The following ITGA6 variants were observed in gnomAD, a reference collection of about 807,000 sequenced individuals.
The protein encoded by ITGA6 is integrin subunit alpha 6, also known as integrin alpha-6.
A neutral mutation model predicts 133.6 loss-of-function variants in ITGA6; 63 were observed. The observed-to-expected ratio is 0.47, with a 90% confidence interval of 0.38 to 0.58. The LOEUF (loss-of-function observed/expected upper bound fraction) is 0.58. ITGA6 is among the 20% of genes least tolerant of loss of function. The probability of loss-of-function intolerance (pLI) is 0.00; values close to 1 mark genes in which losing one functional copy is unlikely to be tolerated. For synonymous variants in ITGA6, 434 were observed against 482.0 expected, an observed-to-expected ratio of 0.90 and a Z score of 1.30; for missense variants, 1,068 against 1,309.4, an observed-to-expected ratio of 0.82 and a Z score of 2.85.
chr2:172,455,704 T>C (rs1252507412), intron 1 of ITGA6, among the ~76,000 whole-genome samples: 2 of 152,268 alleles, frequency 1.3e-5, no homozygotes, highest in African/African-American at 4.8e-5. Context: ...TAATAGTTGC[T>C]GAAGCCTAGC....
intron 17 of ITGA6, 75 bp from the exon 18 acceptor site, chr2:172,487,886 T>C: frequency 6.7e-7 from 1 of 1,494,806 alleles, no homozygotes; most frequent in South Asian, 1.1e-5. Flanking sequence ...CTGATCTACC[T>C]CATAAAAGAA....
intron 12 of ITGA6, 40 bp downstream of exon 12, chr2:172,484,982 A>T (rs1364586673): frequency 1.2e-6 from 2 of 1,608,326 alleles, no homozygotes; most frequent in Non-Finnish European, 8.5e-7. Context: ...TATGAAGAGG[A>T]CAGAAAAAGG....
intron 5 of ITGA6, chr2:172,472,848 C>A: frequency 6.2e-7 from 1 of 1,611,998 alleles, no homozygotes; most frequent in Non-Finnish European, 8.5e-7. Context: ...TCCCCGGGAG[C>A]AGCCTGACAC....
intron 8 of ITGA6, among the ~76,000 whole-genome samples, chr2:172,476,187 G>A (rs1686166561): frequency 6.6e-6 from 1 of 152,174 alleles, no homozygotes; most frequent in South Asian, 2.1e-4. Context: ...TCTGCTTTGA[G>A]ATACTATGTA....
chr2:172,467,435 T>C (rs1685727794), intron 2 of ITGA6, 46 bp from the exon 3 acceptor site: 1 of 1,445,992 alleles, frequency 6.9e-7, no homozygotes, highest in Non-Finnish European at 9.7e-7. Flanking sequence ...TGATGGTTTC[T>C]AGCATGTGCA....
chr2:172,458,291 A>T (rs1685296115), intron 1 of ITGA6, among the ~76,000 whole-genome samples: 1 of 148,580 alleles, frequency 6.7e-6, no homozygotes, highest in Non-Finnish European at 1.5e-5. Context: ...CTCAGGCTGG[A>T]GTGCAGTAGT....
At chr2:172,493,459 G>T (rs930172580) in intron 23 of ITGA6, among the ~76,000 whole-genome samples, 4 of 152,108 alleles carry the variant, frequency 2.6e-5, no homozygotes, top group Non-Finnish European at 5.9e-5. Context: ...ACTTTAGAGG[G>T]AAGGGACTAA....
intron 1 of ITGA6, among the ~76,000 whole-genome samples, chr2:172,460,490 T>C (rs1194230474): frequency 6.6e-6 from 1 of 152,214 alleles, no homozygotes; most frequent in Non-Finnish European, 1.5e-5. Context: ...TGTTCTTTCC[T>C]TTTCATATTA....
In ITGA6 at chr2:172,487,542, TA is replaced by T. The variant is rs1490527110; in HGVS notation, c.2161-4del. The T allele has an allele frequency of 6.2e-7, 1 of 1,614,126 alleles. No individual in the cohort carries two copies. Among genetic ancestry groups the T allele is most frequent in the Non-Finnish European group, 8.5e-7 (1 of 1,179,938 alleles). On this transcript the variant is annotated splice_polypyrimidine_tract_variant and splice_region_variant and intron_variant, in intron 15 of 25. Transcript: ENST00000684293. ...ATTGTGACCTAGCGTGTGTTTCTTTTACAGGAGAAACAGTTGAGTTGTGTTG... is the reference window on the plus strand; with the variant it reads ...ATTGTGACCTAGCGTGTGTTTCTTTTCAGGAGAAACAGTTGAGTTGTGTTG...
rs1013813798 is a variant in ITGA6 at position 172,427,622 on chromosome 2, G to C, written c.-167G>C. The C allele has an allele frequency of 3.2e-5, 41 of 1,282,164 alleles. No homozygotes were observed. Among genetic ancestry groups the C allele is most frequent in the Non-Finnish European group, 3.9e-5 (40 of 1,017,912 alleles). 79.4% of individuals were successfully genotyped at this position (1,282,164 alleles called of 1,614,324 possible). A position where few individuals can be genotyped will look rare whatever the true frequency, so the allele number is the denominator to read the frequency against. ...TCAGCGGTCGCGAGCTGCCCGCGAG[G>C]GGGAGCGGCCGGACGGAGAGCGCGA... On this transcript the variant is annotated 5_prime_UTR_variant, in exon 1 of 26. Transcript: ENST00000684293.
At chr2:172,443,354 C>T (rs1044203246) in intron 1 of ITGA6, among the ~76,000 whole-genome samples, 2 of 152,182 alleles carry the variant, frequency 1.3e-5, no homozygotes, top group Non-Finnish European at 2.9e-5. Flanking sequence ...TCTAATCCTT[C>T]GCCGTTAAAA....
At chr2:172,490,942 G>A (rs1157892651) in intron 20 of ITGA6, 82 bp from the exon 21 acceptor site, 1 of 804,320 alleles carries the variant, frequency 1.2e-6, no homozygotes, top group African/African-American at 1.7e-5. Flanking sequence ...GGCACTGTTT[G>A]GGAGGATATG....
In ITGA6 at chr2:172,501,843, G is replaced by A; in HGVS notation, c.3186G>A (p.Gln1062=). The change falls in exon 25 of 26, where the codon CAG becomes CAA. Residue 1062 remains glutamine (Q), a synonymous_variant. Coordinates refer to ENST00000684293, the MANE Select transcript of ITGA6 (RefSeq NM_000210.4). ...ATCACAAGGCTGAGATCCATGCTCA[G>A]CCATCTGATAAAGAGAGGCTTACTT... The part of the protein sequence containing the change: ...ATYHKAEIHA[Q]PSDKERLTSD... The A allele has an allele frequency of 6.2e-7, 1 of 1,611,792 alleles. No homozygotes were observed. Among genetic ancestry groups the A allele is most frequent in the Non-Finnish European group, 8.5e-7 (1 of 1,178,508 alleles).
chr2:172,427,413 C>A, upstream of ITGA6: 4 of 1,025,834 alleles, frequency 3.9e-6, no homozygotes, highest in Non-Finnish European at 4.7e-6. Context: ...GCCTCCGGGG[C>A]TCCCACGTCG....
intron 1 of ITGA6, among the ~76,000 whole-genome samples, chr2:172,447,328 C>G (rs1684810007): frequency 6.6e-6 from 1 of 152,016 alleles, no homozygotes; most frequent in Admixed American, 6.6e-5. Flanking sequence ...CCTCAGCCTC[C>G]CAAGTAGCTG....
chr2:172,430,433 TA>T (rs1684059773), intron 1 of ITGA6, among the ~76,000 whole-genome samples: 1 of 152,240 alleles, frequency 6.6e-6, no homozygotes, highest in South Asian at 2.1e-4. Context: ...CAAAGCAACT[TA>T]ACTTTAATAG....
At chr2:172,440,376 G>T (rs1026401737) in intron 1 of ITGA6, among the ~76,000 whole-genome samples, 1 of 151,800 alleles carries the variant, frequency 6.6e-6, no homozygotes, top group African/African-American at 2.4e-5. Flanking sequence ...TTACATGCTG[G>T]TACTTTGAAA....
At chr2:172,463,926 C>T (rs1435833994) in intron 1 of ITGA6, among the ~76,000 whole-genome samples, 2 of 152,214 alleles carry the variant, frequency 1.3e-5, no homozygotes, top group Non-Finnish European at 1.5e-5. Context: ...CCTGTGGGGA[C>T]CCTTGTGGCC....
intron 1 of ITGA6, among the ~76,000 whole-genome samples, chr2:172,442,815 G>T (rs1051019903): frequency 6.6e-6 from 1 of 152,024 alleles, no homozygotes; most frequent in Admixed American, 6.5e-5. Flanking sequence ...CACATAAAGA[G>T]AGCATGTGTG....
Sources: allele counts gnomAD v4.1 joint callset (sites outside exome capture counted in the v4.1 genomes callset), GRCh38; gene constraint gnomAD v4.1.1; transcripts MANE v1.5; gene names NCBI Gene and HGNC (gene_info 2026-07-23, HGNC 2026-07-21).